BRDT: variants seen among roughly 807,000 people sequenced by gnomAD.
BRDT encodes the protein bromodomain testis-specific protein.
Under a neutral mutation model 113.9 loss-of-function variants are expected in BRDT, and 77 were observed. The observed-to-expected ratio is 0.68, with a 90% CI of 0.56 to 0.82. BRDT has a LOEUF of 0.82. BRDT is among the 40% of genes least tolerant of loss of function. BRDT has a pLI of 0.00. For missense variants in BRDT, 1,027 were observed against 1,105.4 expected (o/e 0.93, Z 1.01); for synonymous variants, 358 against 366.5 (o/e 0.98, Z 0.26).
At chr1:91,970,896 G>A (rs1001476089) in intron 4 of BRDT, among the ~76,000 whole-genome samples, 1 of 128,366 alleles carries the variant, frequency 7.8e-6, no homozygotes, top group Non-Finnish European at 1.6e-5. Flanking sequence ...GAGCGACAGA[G>A]CAAGACCCTT....
At chr1:91,996,061 T>C (rs965132234) in intron 15 of BRDT, among the ~76,000 whole-genome samples, 9 of 152,144 alleles carry the variant, frequency 5.9e-5, no homozygotes, top group Non-Finnish European at 8.8e-5. Context: ...TTATGTCTAC[T>C]CTTTTTTTGA....
intron 12 of BRDT, among the ~76,000 whole-genome samples, chr1:91,985,575 T>G (rs993533668): frequency 6.6e-6 from 1 of 152,044 alleles, no homozygotes; most frequent in African/African-American, 2.4e-5. Flanking sequence ...CTATATGCAA[T>G]TTTTCAAAGC....
At chr1:92,008,878 A>T (rs1286709028) in intron 18 of BRDT, among the ~76,000 whole-genome samples, 1 of 152,206 alleles carries the variant, frequency 6.6e-6, no homozygotes, top group Non-Finnish European at 1.5e-5. Context: ...ACAATTATAT[A>T]TATTTATGGT....
At chr1:91,980,544 C>T in intron 8 of BRDT, 99 bp from the exon 9 acceptor site, 2 of 1,044,242 alleles carry the variant, frequency 1.9e-6, no homozygotes, top group Non-Finnish European at 2.6e-6. Flanking sequence ...AAATGAATTT[C>T]ACAAAAGACA....
chr1:91,974,077 A>G (rs1683883822), intron 4 of BRDT, among the ~76,000 whole-genome samples: 1 of 152,242 alleles, frequency 6.6e-6, no homozygotes, highest in Admixed American at 6.5e-5. Flanking sequence ...AAAACTGGCT[A>G]GCCATATGTA....
intron 12 of BRDT, 86 bp from the exon 13 acceptor site, chr1:91,991,098 C>T: frequency 1.2e-6 from 1 of 834,614 alleles, no homozygotes; most frequent in East Asian, 3.1e-5. Flanking sequence ...TGCCCAGCCC[C>T]CACTGTGTTT....
intron 1 of BRDT, among the ~76,000 whole-genome samples, chr1:91,956,255 C>A (rs1469246579): frequency 1.3e-5 from 2 of 151,974 alleles, no homozygotes; most frequent in African/African-American, 2.4e-5. Flanking sequence ...TGTTTTAAAA[C>A]CAAGATTTGG....
intron 4 of BRDT, among the ~76,000 whole-genome samples, chr1:91,976,006 T>C (rs113620070): frequency 6.6e-6 from 1 of 152,174 alleles, no homozygotes; most frequent in Non-Finnish European, 1.5e-5. Context: ...CACAGCTCGA[T>C]TATTAGTCTT....
rs1684267356 is a variant in BRDT at position 91,977,518 on chromosome 1, G to GGAGT, written c.969+130_969+133dup. 3 of 812,026 alleles carry GGAGT rather than the reference G, an allele frequency of 3.7e-6. No individual in the cohort carries two copies. The East Asian group carries it at 8.4e-5, about 23-fold the overall frequency. The allele number at this position is 812,026 out of a possible 1,614,324, so 50.3% of individuals were successfully genotyped here. The stretch of plus-strand genomic sequence containing the variant: ...TAAGATCATCCAAGTCACACTATCT[G>GGAGT]GAGTGAGTCTCTGGAAAATTTTAAA... On this transcript the variant is annotated intron_variant, in intron 6 of 18. Coordinates refer to ENST00000399546, the MANE Select transcript of BRDT (RefSeq NM_207189.4).
intron 15 of BRDT, among the ~76,000 whole-genome samples, chr1:91,997,212 G>C (rs1264135622): frequency 2.6e-5 from 4 of 152,110 alleles, no homozygotes; most frequent in Non-Finnish European, 5.9e-5. Flanking sequence ...GGGAATGTGA[G>C]AATTTTTACT....
intron 15 of BRDT, among the ~76,000 whole-genome samples, chr1:91,999,341 G>A (rs559237926): frequency 6.6e-6 from 1 of 152,244 alleles, no homozygotes; most frequent in African/African-American, 2.4e-5. Flanking sequence ...GATGAGTTTT[G>A]TAGTCTTTTG....
rs750035594 is a variant in BRDT, at chr1:91,978,231, T to C, written c.1033T>C (p.Phe345Leu). Residue 345 changes from phenylalanine (F) to leucine (L), a missense_variant, in exon 7 of 19, where the codon TTC becomes CTC. Transcript: ENST00000399546. Reference sequence around the variant, plus strand: ...ATTTGCGGCAGATGTTAGATTAATGTTCATGAATTGCTACAAGTACAATCC... The same window carrying C: ...ATTTGCGGCAGATGTTAGATTAATGCTCATGAATTGCTACAAGTACAATCC... ...YKFAADVRLMFMNCYKYNPPD... is the reference protein window; with the variant it reads ...YKFAADVRLMLMNCYKYNPPD... 3 of 1,614,120 alleles carry C rather than the reference T, an allele frequency of 1.9e-6. No individual in the cohort carries two copies. The highest frequency in any genetic ancestry group is 2.5e-6 in the Non-Finnish European group (3 of 1,179,980).
At chr1:92,000,187 G>A (rs1686709336) in intron 15 of BRDT, among the ~76,000 whole-genome samples, 1 of 152,206 alleles carries the variant, frequency 6.6e-6, no homozygotes, top group South Asian at 2.1e-4. Flanking sequence ...CTGGTCCCCA[G>A]ATTTTAATCC....
intron 3 of BRDT, 126 bp downstream of exon 3, chr1:91,964,890 T>C: frequency 3.9e-6 from 2 of 514,574 alleles, no homozygotes; most frequent in Non-Finnish European, 6.0e-6. Context: ...TGTGTGTGTG[T>C]GTGTGTGTGT....
rs144632830 is a variant in BRDT, at chr1:92,002,182, G to A, written c.2388+33G>A. On this transcript the variant is annotated intron_variant, in intron 16 of 18. Transcript: ENST00000399546. ...TAATTTTTTTTTTCTAACAAATCTT[G>A]AAGGGATTTGAAATTGGGTTTGGAA... 389 of 1,477,690 alleles carry A rather than the reference G, an allele frequency of 2.6e-4. 2 individuals carry two copies. In the African/African-American group the frequency reaches 5.0e-3, roughly 19 times the overall value. The allele number at this position is 1,477,690 out of a possible 1,614,324, so 91.5% of individuals were successfully genotyped here. A position where few individuals can be genotyped will look rare whatever the true frequency, so the allele number is the denominator to read the frequency against.
At chr1:91,949,983 G>C (rs1680873154) in intron 1 of BRDT, 1 of 152,228 alleles carries the variant, frequency 6.6e-6, no homozygotes, top group Non-Finnish European at 1.5e-5. Context: ...GCTTTAGCTG[G>C]CATTTTGTGT....
At chr1:91,963,348 A>T (rs1682700762) in intron 2 of BRDT, among the ~76,000 whole-genome samples, 1 of 152,132 alleles carries the variant, frequency 6.6e-6, no homozygotes, top group Admixed American at 6.6e-5. Context: ...TTAACAACTG[A>T]TTTATTTAGC....
intron 15 of BRDT, among the ~76,000 whole-genome samples, chr1:91,995,458 T>A (rs1331532167): frequency 7.9e-6 from 1 of 127,268 alleles, no homozygotes; most frequent in East Asian, 2.4e-4. Context: ...TGTGTGTGTG[T>A]TGTTTAAATT....
chr1:91,958,681 AT>A (rs956592758), intron 1 of BRDT, among the ~76,000 whole-genome samples: 1 of 152,062 alleles, frequency 6.6e-6, no homozygotes, highest in Non-Finnish European at 1.5e-5. Flanking sequence ...GTGGCAAGGT[AT>A]TTTTTTTAAA....
Sources: gnomAD v4.1 joint callset for allele counts (sites outside exome capture counted in the v4.1 genomes callset) on GRCh38, gnomAD v4.1.1 for gene constraint, MANE v1.5 for transcripts, NCBI Gene and HGNC (gene_info 2026-07-23, HGNC 2026-07-21) for gene names.